The following GFI1B variants were observed in gnomAD, a reference collection of about 807,000 sequenced individuals.
GFI1B encodes growth factor independent 1B transcriptional repressor.
In GFI1B, 20 loss-of-function variants were observed where a neutral mutation model predicts 35.3. The ratio of observed to expected loss-of-function variants is 0.57; its 90% CI spans 0.40 to 0.82. GFI1B has a LOEUF of 0.82. Among genes scored for constraint, GFI1B ranks in the 40% least tolerant of loss-of-function variants. The pLI is 0.00. For missense variants in GFI1B, 430 were observed against 446.3 expected (o/e 0.96, Z 0.33); for synonymous variants, 178 against 177.6 (o/e 1.00, Z -0.02).
chr9:132,968,534 G>A (rs1371838343), intron 1 of GFI1B, among the ~76,000 whole-genome samples: 1 of 152,158 alleles, frequency 6.6e-6, no homozygotes, highest in African/African-American at 2.4e-5. Flanking sequence ...GTTGAATATA[G>A]GTAGTAGATA....
At chr9:132,949,342 TACAC>T (rs367698473) in intron 1 of GFI1B, among the ~76,000 whole-genome samples, 9 of 110,560 alleles carry the variant, frequency 8.1e-5, no homozygotes, top group Admixed American at 6.0e-4. Context: ...CACACACACA[TACAC>T]ACACACACAC....
chr9:132,963,697 G>A (rs1848405397), intron 1 of GFI1B: 1 of 151,970 alleles, frequency 6.6e-6, no homozygotes, highest in Non-Finnish European at 1.5e-5. Flanking sequence ...TTGAATATTG[G>A]AGACAACCCA....
chr9:132,969,561 C>A (rs1011403043), intron 1 of GFI1B, among the ~76,000 whole-genome samples: 4 of 152,202 alleles, frequency 2.6e-5, no homozygotes, highest in African/African-American at 9.7e-5. Flanking sequence ...TTGCCTCTAC[C>A]TTTTGGCTGA....
chr9:132,965,292 G>C (rs887670926), intron 1 of GFI1B, among the ~76,000 whole-genome samples: 1 of 152,192 alleles, frequency 6.6e-6, no homozygotes, highest in African/African-American at 2.4e-5. Context: ...TGCAGCAGGG[G>C]AAGTACAAGT....
upstream of GFI1B, among the ~76,000 whole-genome samples, chr9:132,978,088 T>G (rs1372477432): frequency 5.4e-5 from 7 of 129,094 alleles, no homozygotes; most frequent in South Asian, 1.5e-3. Flanking sequence ...AGCCTCAGGG[T>G]GCTGAACTTG....
At position 132,989,303 on chromosome 9, in the gene GFI1B, G is replaced by C; in HGVS notation, c.648+105G>C. ...GGTCCCTCCCCCTGCCCCTGGGGGT[G>C]ACACAGATTGGGAGGGGTCCCCTAG... On this transcript the variant is annotated intron_variant, in intron 5 of 6. Transcript: ENST00000372122. The surrounding 1 kb of genome is among the most constrained non-coding windows in gnomAD (Gnocchi z 6.2). 3.4e-6 allele frequency: 4 copies of C among 1,161,648 alleles called. No individual in the cohort carries two copies. Among genetic ancestry groups the C allele is most frequent in the Non-Finnish European group, 5.0e-6 (4 of 792,162 alleles). 72.0% of individuals were successfully genotyped at this position (1,161,648 alleles called of 1,614,324 possible). A position where few individuals can be genotyped will look rare whatever the true frequency, so the allele number is the denominator to read the frequency against.
chr9:132,947,809 CAAAAAAAAAA>C (rs58406908), intron 1 of GFI1B, among the ~76,000 whole-genome samples: 2 of 86,136 alleles, frequency 2.3e-5, no homozygotes, highest in African/African-American at 4.0e-5. Context: ...ACTTGGTCTC[CAAAAAAAAAA>C]AAAAAAAAAA....
chr9:132,973,835 C>T (rs1217492121), upstream of GFI1B, among the ~76,000 whole-genome samples: 1 of 152,142 alleles, frequency 6.6e-6, no homozygotes, highest in Non-Finnish European at 1.5e-5. Flanking sequence ...TCAAACCCAC[C>T]TCTTCCTCTA....
intron 1 of GFI1B, among the ~76,000 whole-genome samples, chr9:132,947,425 AAAAAAG>A (rs201568930): frequency 0.14 from 17,505 of 127,076 alleles, 1,005 homozygotes; most frequent in Non-Finnish European, 0.16. Context: ...AAAAAAAAAA[AAAAAAG>A]AAAGAAAAAG....
intron 1 of GFI1B, among the ~76,000 whole-genome samples, chr9:132,965,153 G>T (rs192066293): frequency 6.6e-6 from 1 of 152,028 alleles, no homozygotes; most frequent in Non-Finnish European, 1.5e-5. Flanking sequence ...AAAAAGCATC[G>T]ATTTCCTAGT....
chr9:132,965,697 C>G (rs765290957), intron 1 of GFI1B, among the ~76,000 whole-genome samples: 1 of 152,170 alleles, frequency 6.6e-6, no homozygotes, highest in Non-Finnish European at 1.5e-5. Context: ...AAAGATTGCC[C>G]GCAGCCAGCA....
chr9:132,949,494 T>G (rs986194816), intron 1 of GFI1B, among the ~76,000 whole-genome samples: 2 of 151,880 alleles, frequency 1.3e-5, no homozygotes, highest in African/African-American at 2.4e-5. Flanking sequence ...GATTGCAACT[T>G]TACACAACTG....
At chr9:132,974,601 CAAAAAAAAAAAA>C (rs11243966), upstream of GFI1B, among the ~76,000 whole-genome samples, 312 of 79,866 alleles carry the variant, frequency 3.9e-3, 8 homozygotes, top group Non-Finnish European at 9.6e-4. Context: ...GAATCCGTCT[CAAAAAAAAAAAA>C]AAAAAAAAAA....
chr9:132,968,286 G>T (rs1848481255), intron 1 of GFI1B, among the ~76,000 whole-genome samples: 1 of 149,866 alleles, frequency 6.7e-6, no homozygotes, highest in South Asian at 2.1e-4. Flanking sequence ...GCTAATTAAA[G>T]AAAAATTTTT....
At chr9:132,980,434 G>A (rs1053852922) in intron 1 of GFI1B, among the ~76,000 whole-genome samples, 5 of 152,228 alleles carry the variant, frequency 3.3e-5, no homozygotes. Flanking sequence ...AGGAATTCAA[G>A]CCAATGGGAG....
At chr9:132,985,071 T>TG (rs8193000) in intron 1 of GFI1B, among the ~76,000 whole-genome samples, 12 of 130,880 alleles carry the variant, frequency 9.2e-5, no homozygotes, top group African/African-American at 2.5e-4. Flanking sequence ...GCCCAAGGGG[T>TG]GGGGGGGTGG....
Position 132,989,929 on chromosome 9 carries a change from G to A in GFI1B, c.814+22G>A, listed in dbSNP as rs375186946. 6.2e-7 allele frequency: 1 copy of A among 1,609,360 alleles called. No homozygotes were observed. Among genetic ancestry groups the A allele is most frequent in the Non-Finnish European group, 8.5e-7 (1 of 1,175,654 alleles). Reference sequence around the variant, plus strand: ...ACAGGTGAGTGAGTCTCACCTGCCTGTGCCCCCTGGGCAGAGCACCCCCAC... The same window carrying A: ...ACAGGTGAGTGAGTCTCACCTGCCTATGCCCCCTGGGCAGAGCACCCCCAC... On this transcript the variant is annotated intron_variant, in intron 6 of 6. Coordinates refer to ENST00000372122, the MANE Select transcript of GFI1B (RefSeq NM_001377304.1). This position sits in a 1 kb window ranked among gnomAD's most constrained non-coding sequence, Gnocchi z 6.2.
chr9:132,946,332 C>T (rs1848097943), intron 1 of GFI1B, among the ~76,000 whole-genome samples: 1 of 152,102 alleles, frequency 6.6e-6, no homozygotes, highest in African/African-American at 2.4e-5. Context: ...AATAATAATG[C>T]TAGTTCATGG....
At chr9:132,945,937 C>G (rs1267706810) in intron 1 of GFI1B, among the ~76,000 whole-genome samples, 2 of 152,096 alleles carry the variant, frequency 1.3e-5, no homozygotes, top group Non-Finnish European at 1.5e-5. Flanking sequence ...TTAAGGGGGG[C>G]CAGGTGTGTG....
Sources: allele counts gnomAD v4.1 joint callset (sites outside exome capture counted in the v4.1 genomes callset), GRCh38; gene constraint gnomAD v4.1.1; non-coding constraint Gnocchi (gnomAD v3.1); transcripts MANE v1.5; gene names NCBI Gene and HGNC (gene_info 2026-07-23, HGNC 2026-07-21).